The following ARHGAP25 variants were observed in gnomAD, a reference collection of about 807,000 sequenced individuals.
ARHGAP25 encodes the protein rho GTPase-activating protein 25.
Under a neutral mutation model 71.0 loss-of-function variants are expected in ARHGAP25, and 34 were observed. The ratio of observed to expected loss-of-function variants is 0.48; its 90% CI spans 0.36 to 0.64. ARHGAP25 has a LOEUF of 0.64. Among genes scored for constraint, ARHGAP25 ranks in the 30% least tolerant of loss-of-function variants. The probability of loss-of-function intolerance (pLI) is 0.00; values close to 1 mark genes in which losing one functional copy is unlikely to be tolerated. For synonymous variants in ARHGAP25, 282 were observed against 296.5 expected (o/e 0.95, Z 0.50); for missense variants, 706 against 805.1 (o/e 0.88, Z 1.49).
chr2:68,750,499 T>G (rs887409596), intron 1 of ARHGAP25, among the ~76,000 whole-genome samples: 2 of 152,116 alleles, frequency 1.3e-5, no homozygotes, highest in Admixed American at 6.5e-5. Context: ...ATTTGTATTT[T>G]TAGTAGAGAC....
chr2:68,735,768 A>G (rs1185112800), intron 1 of ARHGAP25, among the ~76,000 whole-genome samples: 1 of 152,212 alleles, frequency 6.6e-6, no homozygotes, highest in Admixed American at 6.5e-5. Flanking sequence ...AAAGTATAAT[A>G]AAGACCTTAC....
At chr2:68,714,248 C>A (rs1335353161) in intron 2 of ARHGAP25, among the ~76,000 whole-genome samples, 1 of 152,140 alleles carries the variant, frequency 6.6e-6, no homozygotes, top group Non-Finnish European at 1.5e-5. Flanking sequence ...TCCATTTCTT[C>A]TAGATTTTCT....
At position 68,750,610 on chromosome 2, in the gene ARHGAP25, C is replaced by T. The variant is rs149964024; in HGVS notation, c.61+15350C>T. Among the ~76,000 whole-genome samples the T allele has an allele frequency of 8.6e-3, 1,316 of 152,312 alleles. 23 individuals carry two copies. Among genetic ancestry groups the T allele is most frequent in the African/African-American group, 0.03 (1,235 of 41,550 alleles). On this transcript the variant is annotated intron_variant, in intron 1 of 10. Coordinates refer to ENST00000409202, the MANE Select transcript of ARHGAP25 (RefSeq NM_001007231.3). ...TGCTGGGATTGCAGGCACGAGCCAC[C>T]GCACCGGGCCGAGCACTTTTTAATT...
At chr2:68,760,479 A>G (rs922018982) in intron 1 of ARHGAP25, among the ~76,000 whole-genome samples, 1 of 152,086 alleles carries the variant, frequency 6.6e-6, no homozygotes, top group African/African-American at 2.4e-5. Flanking sequence ...TAATAAACCC[A>G]GCAAAGTAGC....
At chr2:68,718,522 A>G (rs949544905) in intron 2 of ARHGAP25, among the ~76,000 whole-genome samples, 1 of 83,842 alleles carries the variant, frequency 1.2e-5, no homozygotes, top group African/African-American at 5.8e-5. Context: ...AATAATAAGA[A>G]ATATATAAGT....
upstream of ARHGAP25, among the ~76,000 whole-genome samples, chr2:68,734,095 G>C (rs2104273459): frequency 6.6e-6 from 1 of 152,298 alleles, no homozygotes; most frequent in Admixed American, 6.5e-5. Context: ...AAATAGAATA[G>C]AATAAAGGTT....
chr2:68,807,093 C>A (rs531812913), intron 4 of ARHGAP25, 180 bp from the exon 5 acceptor site: 2 of 615,414 alleles, frequency 3.2e-6, no homozygotes, highest in Non-Finnish European at 5.8e-6. Flanking sequence ...TAAAGACTGC[C>A]TCAAATTTAC....
chr2:68,750,173 AT>A (rs397971254), intron 1 of ARHGAP25, among the ~76,000 whole-genome samples: 19 of 143,218 alleles, frequency 1.3e-4, no homozygotes, highest in Admixed American at 3.5e-4. Context: ...TGCCCGGCTG[AT>A]TTTTTTTTTT....
chr2:68,781,348 C>G (rs1353873749), intron 2 of ARHGAP25, among the ~76,000 whole-genome samples: 1 of 152,066 alleles, frequency 6.6e-6, no homozygotes, highest in African/African-American at 2.4e-5. Context: ...TGAGATCACG[C>G]CACTGCACTC....
intron 2 of ARHGAP25, among the ~76,000 whole-genome samples, chr2:68,726,634 A>G (rs1674892000): frequency 6.6e-6 from 1 of 152,138 alleles, no homozygotes; most frequent in African/African-American, 2.4e-5. Flanking sequence ...TGGCTATGGG[A>G]CACTTAGAAA....
intron 5 of ARHGAP25, among the ~76,000 whole-genome samples, chr2:68,811,915 T>G (rs1018601449): frequency 2.6e-5 from 4 of 152,330 alleles, no homozygotes; most frequent in African/African-American, 9.6e-5. Context: ...TCACAGCTTT[T>G]CACGATGCTA....
chr2:68,813,267 C>G lies in ARHGAP25; in HGVS notation c.675-20C>G. 1 of 1,599,388 alleles carries G rather than the reference C, an allele frequency of 6.3e-7. No homozygotes were observed. The highest frequency in any genetic ancestry group is 8.5e-7 in the Non-Finnish European group (1 of 1,175,090). Reference sequence around the variant, plus strand: ...TTTTCTTTCAAAGAGTTTCACAGAGCGTTGCTTATTTTCTTCCAGAGACAC... The same window carrying G: ...TTTTCTTTCAAAGAGTTTCACAGAGGGTTGCTTATTTTCTTCCAGAGACAC... On this transcript the variant is annotated intron_variant, in intron 5 of 10. Transcript: ENST00000409202.
chr2:68,775,479 G>A (rs929205750), intron 2 of ARHGAP25, 59 bp downstream of exon 2: 35 of 1,609,592 alleles, frequency 2.2e-5, no homozygotes, highest in Non-Finnish European at 2.9e-5. Flanking sequence ...CCTGGAGCCC[G>A]CTGGGATTTC....
chr2:68,810,782 C>G (rs1383633858), intron 5 of ARHGAP25, among the ~76,000 whole-genome samples: 1 of 149,490 alleles, frequency 6.7e-6, no homozygotes, highest in East Asian at 1.9e-4. Flanking sequence ...AGTGGTTTCA[C>G]CCAGGCTAGA....
At chr2:68,739,523 A>C (rs1373239110) in intron 1 of ARHGAP25, among the ~76,000 whole-genome samples, 1 of 152,212 alleles carries the variant, frequency 6.6e-6, no homozygotes, top group African/African-American at 2.4e-5. Context: ...GAGAGAAGTA[A>C]GTTGATGAAA....
intron 3 of ARHGAP25, among the ~76,000 whole-genome samples, chr2:68,783,183 C>T (rs1420339036): frequency 6.6e-6 from 1 of 152,172 alleles, no homozygotes; most frequent in African/African-American, 2.4e-5. Flanking sequence ...CTGGCACTTA[C>T]TATTTGTGTA....
chr2:68,743,329 A>ACAAGTGAGTTACAGCATTGC (rs74743599), intron 1 of ARHGAP25, among the ~76,000 whole-genome samples: 1 of 151,946 alleles, frequency 6.6e-6, no homozygotes, highest in African/African-American at 2.4e-5. Context: ...GATCACTTAC[A>ACAAGTGAGTTACAGCATTGC]TGTGGGTTAC....
chr2:68,792,221 C>G (rs1245260698), intron 4 of ARHGAP25, among the ~76,000 whole-genome samples: 3 of 152,170 alleles, frequency 2.0e-5, no homozygotes. Flanking sequence ...TTACCCAACC[C>G]AGTTTTAAAG....
chr2:68,800,323 T>G (rs1679877231), intron 4 of ARHGAP25, among the ~76,000 whole-genome samples: 1 of 152,130 alleles, frequency 6.6e-6, no homozygotes, highest in African/African-American at 2.4e-5. Flanking sequence ...AGGTGACAGT[T>G]GCTCTTTCTA....
Sources: allele counts gnomAD v4.1 joint callset (sites outside exome capture counted in the v4.1 genomes callset), GRCh38; gene constraint gnomAD v4.1.1; transcripts MANE v1.5; gene names NCBI Gene and HGNC (gene_info 2026-07-23, HGNC 2026-07-21).